ERCC6: variants seen among roughly 807,000 people sequenced by gnomAD.
The protein encoded by ERCC6 is DNA excision repair protein ERCC-6.
In ERCC6, 116 loss-of-function variants were observed where a neutral mutation model predicts 158.7. The observed-to-expected ratio is 0.73, with a 90% CI of 0.63 to 0.85. The LOEUF (loss-of-function observed/expected upper bound fraction) is 0.85, where lower values mean the gene tolerates loss of function less well. Ranked by LOEUF, ERCC6 falls within the 40% of genes least tolerant of loss-of-function variation. ERCC6 has a pLI of 0.00. For missense variants in ERCC6, 1,698 were observed against 1,799.4 expected (o/e 0.94, Z 1.02); for synonymous variants, 678 against 659.3 (o/e 1.03, Z -0.43).
chr10:49,535,863 C>T (rs1387023951), intron 1 of ERCC6, among the ~76,000 whole-genome samples: 2 of 152,290 alleles, frequency 1.3e-5, no homozygotes, highest in East Asian at 1.9e-4. Context: ...GTGGCTCACA[C>T]CTGTAATCCC....
chr10:49,509,980 A>G (rs1002483384), intron 5 of ERCC6, among the ~76,000 whole-genome samples: 6 of 152,148 alleles, frequency 3.9e-5, no homozygotes, highest in African/African-American at 1.4e-4. Context: ...TGTCAACTCC[A>G]CTGGCAGCCA....
At chr10:49,534,966 A>G (rs1837563666) in intron 1 of ERCC6, among the ~76,000 whole-genome samples, 1 of 152,232 alleles carries the variant, frequency 6.6e-6, no homozygotes, top group South Asian at 2.1e-4. Context: ...CAGGTCAGCT[A>G]GCCCGGGACA....
the ERCC6 span, among the ~76,000 whole-genome samples, chr10:49,448,921 C>G: frequency 6.6e-6 from 1 of 152,142 alleles, no homozygotes; most frequent in South Asian, 2.1e-4. Flanking sequence ...TTGGCTATTA[C>G]GAACAATGCT....
intron 5 of ERCC6, among the ~76,000 whole-genome samples, chr10:49,518,964 A>T (rs1403186076): frequency 6.6e-6 from 1 of 152,218 alleles, no homozygotes; most frequent in Non-Finnish European, 1.5e-5. Context: ...AATTTATTAA[A>T]AACCAATTAT....
chr10:49,534,150 A>AC (rs1473895375), intron 1 of ERCC6, among the ~76,000 whole-genome samples: 12 of 100,770 alleles, frequency 1.2e-4, no homozygotes, highest in South Asian at 4.8e-4. Flanking sequence ...AAAAAAAAAA[A>AC]AAAACAAAAA....
At chr10:49,448,335 C>T in the ERCC6 span, among the ~76,000 whole-genome samples, 1 of 152,010 alleles carries the variant, frequency 6.6e-6, no homozygotes, top group Middle Eastern at 3.2e-3. Context: ...ATTTGTATAT[C>T]TTCTTTGGGA....
In ERCC6 at chr10:49,455,093, A is replaced by T. The variant is rs1850463926; in HGVS notation, c.*3722T>A. Among the ~76,000 whole-genome samples, 1 of 152,202 alleles carries T rather than the reference A, an allele frequency of 6.6e-6. No homozygotes were observed. Among genetic ancestry groups the T allele is most frequent in the African/African-American group, 2.4e-5 (1 of 41,468 alleles). ...ATATTTTAAAACTTCCGTATGATAA[A>T]CATCACAAAATAGATATGTGAATAT... On this transcript the variant is annotated 3_prime_UTR_variant, in exon 21 of 21. Coordinates refer to ENST00000355832, the MANE Select transcript of ERCC6 (RefSeq NM_000124.4).
Position 49,532,789 on chromosome 10 carries a change from A to C in ERCC6, c.176T>G (p.Val59Gly). ...CCTCGGAGCTGCTGATGCGCACCCC[A>C]CAGCAGAGGTGGACAGCCCGTCACC... ...SVGDGLSTSA[V>G]GCASAAPRRG... Residue 59 changes from valine to glycine, a missense_variant, in exon 2 of 21, where the codon GTG (valine) becomes GGG (glycine). Coordinates refer to ENST00000355832, the MANE Select transcript of ERCC6 (RefSeq NM_000124.4). The C allele has an allele frequency of 6.2e-7, 1 of 1,614,174 alleles. No homozygotes were observed. Among genetic ancestry groups the C allele is most frequent in the Non-Finnish European group, 8.5e-7 (1 of 1,180,034 alleles).
At chr10:49,513,587 TATAATC>T (rs1373839687) in intron 5 of ERCC6, among the ~76,000 whole-genome samples, 3 of 152,134 alleles carry the variant, frequency 2.0e-5, no homozygotes, top group African/African-American at 7.2e-5. Flanking sequence ...TCAGGAAACT[TATAATC>T]ATGGTGGAAG....
chr10:49,484,378 G>A (rs978003736), intron 8 of ERCC6, among the ~76,000 whole-genome samples: 2 of 152,014 alleles, frequency 1.3e-5, no homozygotes, highest in East Asian at 3.8e-4. Flanking sequence ...CTCCCAGAGT[G>A]TCAGGCAGAG....
intron 10 of ERCC6, among the ~76,000 whole-genome samples, chr10:49,480,543 A>G (rs902124772): frequency 2.0e-5 from 3 of 152,248 alleles, no homozygotes; most frequent in Non-Finnish European, 4.4e-5. Context: ...GAGAAAGATA[A>G]GTACACAAAT....
Position 49,473,553 on chromosome 10 carries a change from T to A in ERCC6, c.2633A>T (p.Gln878Leu), listed in dbSNP as rs1273686756. ...ATCCATCTTGAGATAGGTATACTTT[T>A]GGGCTCTAAGGAATACTTCAAGTAT... ...LDILEVFLRA[Q>L]KYTYLKMDGT... The change falls in exon 14 of 21, where the codon CAA becomes CTA. Residue 878 changes from glutamine to leucine, a missense_variant. By Grantham distance (113) the Gln-to-Leu change is moderately radical (BLOSUM62 -2). Transcript: ENST00000355832. 1 of 1,613,112 alleles carries A rather than the reference T, an allele frequency of 6.2e-7. No individual in the cohort carries two copies. The highest frequency in any genetic ancestry group is 2.2e-5 in the East Asian group (1 of 44,878).
intron 1 of ERCC6, among the ~76,000 whole-genome samples, chr10:49,537,408 C>T (rs549443351): frequency 6.7e-6 from 1 of 149,986 alleles, no homozygotes; most frequent in African/African-American, 2.4e-5. Flanking sequence ...GAGTTAATTA[C>T]ACCAGGCAAT....
intron 15 of ERCC6, 86 bp downstream of exon 15, chr10:49,472,823 C>T: frequency 1.3e-6 from 2 of 1,519,260 alleles, no homozygotes; most frequent in Non-Finnish European, 1.8e-6. Context: ...TGAAGCCAAC[C>T]AGAACATCAA....
At chr10:49,527,670 C>CT (rs1251935161) in intron 4 of ERCC6, among the ~76,000 whole-genome samples, 2 of 152,218 alleles carry the variant, frequency 1.3e-5, no homozygotes, top group African/African-American at 4.8e-5. Flanking sequence ...GAACGAAACT[C>CT]TGTTTCAAAA....
the ERCC6 span, among the ~76,000 whole-genome samples, chr10:49,442,951 C>A: frequency 6.6e-6 from 1 of 152,154 alleles, no homozygotes; most frequent in East Asian, 1.9e-4. Context: ...ACATACCCAA[C>A]AGACTGAAAA....
chr10:49,466,595 C>T (rs1850679257), intron 18 of ERCC6, among the ~76,000 whole-genome samples: 1 of 152,204 alleles, frequency 6.6e-6, no homozygotes, highest in Admixed American at 6.5e-5. Flanking sequence ...TAGCCGTCAC[C>T]TGCAAAACTC....
chr10:49,491,421 A>G (rs1011647533), intron 8 of ERCC6, among the ~76,000 whole-genome samples: 4 of 152,236 alleles, frequency 2.6e-5, no homozygotes, highest in Non-Finnish European at 5.9e-5. Flanking sequence ...AAGTTAATTA[A>G]GAATCTTCAA....
intron 5 of ERCC6, among the ~76,000 whole-genome samples, chr10:49,522,214 G>A (rs1196377656): frequency 6.6e-6 from 1 of 152,180 alleles, no homozygotes; most frequent in African/African-American, 2.4e-5. Flanking sequence ...CAAGGGAATA[G>A]CATTACCATT....
Sources: allele counts gnomAD v4.1 joint callset (sites outside exome capture counted in the v4.1 genomes callset), GRCh38; gene constraint gnomAD v4.1.1; transcripts MANE v1.5; gene names NCBI Gene and HGNC (gene_info 2026-07-23, HGNC 2026-07-21).